BNIP3: variants seen among roughly 807,000 people sequenced by gnomAD.
The protein encoded by BNIP3 is BCL2/adenovirus E1B 19 kDa protein-interacting protein 3.
A neutral mutation model predicts 23.9 loss-of-function variants in BNIP3; 16 were observed. The observed-to-expected ratio is 0.67, with a 90% CI of 0.45 to 1.01. The LOEUF is 1.01. Ranked by LOEUF, BNIP3 falls within the 50% of genes least tolerant of loss-of-function variation. The pLI is 0.00. For missense variants in BNIP3, 198 were observed against 248.7 expected, an observed-to-expected ratio of 0.80 and a Z score of 1.37; for synonymous variants, 81 against 89.3, an observed-to-expected ratio of 0.91 and a Z score of 0.53.
At chr10:131,972,922 A>G (rs2037048093) in intron 3 of BNIP3, 112 bp downstream of exon 3, 3 of 1,047,536 alleles carry the variant, frequency 2.9e-6, no homozygotes, top group Non-Finnish European at 4.2e-6. Flanking sequence ...TAAAGCAGGA[A>G]ACACCCTTAA....
intron 5 of BNIP3, 31 bp from the exon 6 acceptor site, chr10:131,968,600 A>G: frequency 6.4e-7 from 1 of 1,555,634 alleles, no homozygotes; most frequent in Non-Finnish European, 8.9e-7. Context: ...TAGTTAATGT[A>G]TCTTGTGATT....
chr10:131,981,835 A>C lies in BNIP3; in HGVS notation c.-29T>G. ...GCCAGAGGGCAACTGCGGCGATCGG[A>C]GTCCGCGCCGGGCTGCGGGATGTGC... On this transcript the variant is annotated 5_prime_UTR_variant, in exon 1 of 6. Transcript: ENST00000368636. The C allele has an allele frequency of 7.0e-7, 1 of 1,437,338 alleles. No individual in the cohort carries two copies. Among genetic ancestry groups the C allele is most frequent in the South Asian group, 1.4e-5 (1 of 71,348 alleles). The allele number at this position is 1,437,338 out of a possible 1,614,324, so 89.0% of individuals were successfully genotyped here. A position where few individuals can be genotyped will look rare whatever the true frequency, so the allele number is the denominator to read the frequency against.
Position 131,970,123 on chromosome 10 carries a change from G to A in BNIP3, c.539+515C>T, listed in dbSNP as rs45484293. The stretch of plus-strand genomic sequence containing the variant: ...GAACCCAGGAGGCAGAGGCTGCAGT[G>A]AGCCGAGATCACGCCCCTGCACTCA... On this transcript the variant is annotated intron_variant, in intron 5 of 5. Transcript: ENST00000368636. The surrounding 1 kb of genome is among the most constrained non-coding windows in gnomAD (Gnocchi z 4.1). The A allele has an allele frequency of 0.034, 5,226 of 154,512 alleles. 126 individuals carry two copies. Among genetic ancestry groups the A allele is most frequent in the Middle Eastern group, 0.083 (25 of 300 alleles). 9.6% of individuals were successfully genotyped at this position (154,512 alleles called of 1,614,324 possible).
rs1466994220 is a variant in BNIP3 at position 131,973,839 on chromosome 10, G to A, written c.151C>T (p.Gln51Ter). 6.2e-7 allele frequency: 1 copy of A among 1,612,634 alleles called. No homozygotes were observed. The highest frequency in any genetic ancestry group is 8.5e-7 in the Non-Finnish European group (1 of 1,180,034). ...GDMEKILLDA[Q>*]HESGRSSSKS... is the part of the protein sequence containing the mutation. ...GAGCTACTCCGTCCAGACTCATGCT[G>A]TGCGTCCAGCAGTATTTTTTCCATG... is the stretch of plus-strand genomic sequence containing the variant. Residue 51 changes from glutamine to a stop codon, truncating the protein, a stop_gained, in exon 2 of 6, where the codon CAG becomes TAG. Transcript: ENST00000368636. LOFTEE classifies it high-confidence loss of function.
intron 5 of BNIP3, 52 bp from the exon 6 acceptor site, chr10:131,968,621 T>C (rs2036992362): frequency 1.3e-6 from 2 of 1,495,936 alleles, no homozygotes; most frequent in Non-Finnish European, 1.9e-6. Context: ...CACAGGAGAC[T>C]GTGTTACAGC....
intron 1 of BNIP3, among the ~76,000 whole-genome samples, chr10:131,977,423 AGTGTATCTCT>A (rs1283456116): frequency 6.6e-6 from 1 of 152,200 alleles, no homozygotes; most frequent in Non-Finnish European, 1.5e-5. Context: ...AGGAGAGACA[AGTGTATCTCT>A]GTCATCCTCT....
rs74162890 is a variant in BNIP3 at position 131,972,898 on chromosome 10, T to C, written c.282+136A>G. ...CAGTTTCTTGGTTTTTTTGTTTCGC[T>C]TTTTTGTTTTTTTTAAAGCAGGAAA... On this transcript the variant is annotated intron_variant, in intron 3 of 5. Coordinates refer to ENST00000368636, the MANE Select transcript of BNIP3 (RefSeq NM_004052.4). The C allele has an allele frequency of 5.6e-3, 4,650 of 836,886 alleles. 136 individuals carry two copies. The African/African-American group carries it at 0.064, about 12-fold the overall frequency. 51.8% of individuals were successfully genotyped at this position (836,886 alleles called of 1,614,324 possible).
intron 1 of BNIP3, among the ~76,000 whole-genome samples, chr10:131,979,306 T>C (rs934428491): frequency 2.0e-5 from 3 of 152,210 alleles, no homozygotes; most frequent in African/African-American, 7.2e-5. Context: ...CACTCCAAAA[T>C]AAGTAGAAAA....
At chr10:131,974,104 T>C (rs551947440) in intron 1 of BNIP3, among the ~76,000 whole-genome samples, 161 bp from the exon 2 acceptor site, 2 of 152,212 alleles carry the variant, frequency 1.3e-5, no homozygotes, top group South Asian at 4.1e-4. Context: ...CTCTGCCCAC[T>C]CTCATGGCAG....
intron 1 of BNIP3, among the ~76,000 whole-genome samples, chr10:131,974,577 G>A (rs1287641916): frequency 6.6e-6 from 1 of 152,116 alleles, no homozygotes; most frequent in Non-Finnish European, 1.5e-5. Flanking sequence ...ATGGGGTCTC[G>A]CTATATTGCC....
At chr10:131,974,438 G>T (rs930700477) in intron 1 of BNIP3, among the ~76,000 whole-genome samples, 2 of 152,150 alleles carry the variant, frequency 1.3e-5, no homozygotes, top group South Asian at 2.1e-4. Context: ...CCCAGGCTGG[G>T]GTGCAGTGGC....
intron 3 of BNIP3, chr10:131,971,542 G>A (rs1163980945): frequency 6.6e-6 from 1 of 152,508 alleles, no homozygotes; most frequent in African/African-American, 2.4e-5. Context: ...GAGAGTCTAA[G>A]TGTTTTTCTC....
At chr10:131,977,909 G>C (rs1564836097) in intron 1 of BNIP3, among the ~76,000 whole-genome samples, 1 of 152,180 alleles carries the variant, frequency 6.6e-6, no homozygotes, top group Non-Finnish European at 1.5e-5. Context: ...CGTAGGAAAG[G>C]AAGGCACTTC....
chr10:131,970,667 C>T lies in BNIP3; in HGVS notation c.510G>A (p.Leu170=), dbSNP rs2037022461. The T allele has an allele frequency of 1.2e-6, 2 of 1,614,048 alleles. No individual in the cohort carries two copies. The highest frequency in any genetic ancestry group is 1.7e-6 in the Non-Finnish European group (2 of 1,180,012). ...ATCCGATGGCCAGCAAATGAGAGAG[C>T]AGCAGAGATGGAAGGAAAACTTTCA... ...EFLKVFLPSL[L]LSHLLAIGLG... is the part of the protein sequence containing the mutation. Residue 170 remains leucine, a synonymous_variant, in exon 5 of 6, where the codon CTG becomes CTA. Transcript: ENST00000368636. The surrounding 1 kb of genome is among the most constrained non-coding windows in gnomAD (Gnocchi z 4.1).
rs1406100482 is a variant in BNIP3 at position 131,970,847 on chromosome 10, A to G, written c.389+17T>C. On this transcript the variant is annotated intron_variant, in intron 4 of 5. Transcript: ENST00000368636. The surrounding 1 kb of genome is among the most constrained non-coding windows in gnomAD (Gnocchi z 4.1). ...CTCTGTCAAGGGGTGCCCCCGTGACACTGAGAACACACTCACTTGGGGGGA... is the reference window on the plus strand; with the variant it reads ...CTCTGTCAAGGGGTGCCCCCGTGACGCTGAGAACACACTCACTTGGGGGGA... 6.2e-7 allele frequency: 1 copy of G among 1,614,110 alleles called. No homozygotes were observed. The highest frequency in any genetic ancestry group is 1.3e-5 in the African/African-American group (1 of 74,948).
At chr10:131,978,908 T>TA (rs3838751) in intron 1 of BNIP3, among the ~76,000 whole-genome samples, 51,902 of 152,086 alleles carry the variant, frequency 0.34, 9,209 homozygotes, top group Non-Finnish European at 0.4. Flanking sequence ...GTTTTACCTT[T>TA]AAAGCTTCTC....
At chr10:131,974,103 C>T (rs992512978) in intron 1 of BNIP3, among the ~76,000 whole-genome samples, 160 bp from the exon 2 acceptor site, 2 of 152,226 alleles carry the variant, frequency 1.3e-5, no homozygotes, top group African/African-American at 4.8e-5. Context: ...CCTCTGCCCA[C>T]TCTCATGGCA....
intron 1 of BNIP3, among the ~76,000 whole-genome samples, chr10:131,979,374 A>C (rs1241430445): frequency 6.6e-6 from 1 of 152,164 alleles, no homozygotes; most frequent in African/African-American, 2.4e-5. Context: ...AAGAGAGAGA[A>C]CCATCTGCCA....
chr10:131,976,778 T>C lies in BNIP3; in HGVS notation c.47-2835A>G, dbSNP rs926953092. On this transcript the variant is annotated intron_variant, in intron 1 of 5. Transcript: ENST00000368636. This position sits in a 1 kb window ranked among gnomAD's most constrained non-coding sequence, Gnocchi z 4.3. ...TGGGAATTTCTACCTCAAGTAACTA[T>C]CCTGGGGCCACCCTTGAGCCACTGT... Among the ~76,000 whole-genome samples the C allele has an allele frequency of 6.6e-6, 1 of 151,980 alleles. No individual in the cohort carries two copies. Among genetic ancestry groups the C allele is most frequent in the Non-Finnish European group, 1.5e-5 (1 of 67,964 alleles).
Sources: allele counts gnomAD v4.1 joint callset (sites outside exome capture counted in the v4.1 genomes callset), GRCh38; gene constraint gnomAD v4.1.1; non-coding constraint Gnocchi (gnomAD v3.1); transcripts MANE v1.5; gene names NCBI Gene and HGNC (gene_info 2026-07-23, HGNC 2026-07-21).